The following PPARG variants were observed in gnomAD, a reference collection of about 807,000 sequenced individuals.
PPARG encodes the protein peroxisome proliferator-activated receptor gamma.
In PPARG, 17 loss-of-function variants were observed where a neutral mutation model predicts 39.2. The observed-to-expected ratio is 0.43, with a 90% confidence interval of 0.30 to 0.65. The LOEUF (loss-of-function observed/expected upper bound fraction) is 0.65. Among genes scored for constraint, PPARG ranks in the 30% least tolerant of loss-of-function variants. The pLI is 0.13. For synonymous variants in PPARG, 223 were observed against 215.7 expected (o/e 1.03, Z -0.30); for missense variants, 406 against 585.9 (o/e 0.69, Z 3.17).
chr3:12,292,177 T>C (rs1406954532), intron 1 of PPARG, among the ~76,000 whole-genome samples: 1 of 152,230 alleles, frequency 6.6e-6, no homozygotes, highest in Non-Finnish European at 1.5e-5. Flanking sequence ...TTTAAAATTG[T>C]ATTTTCCATT....
At chr3:12,344,991 A>G (rs978772194) in intron 2 of PPARG, 4 of 152,194 alleles carry the variant, frequency 2.6e-5, no homozygotes, top group Non-Finnish European at 4.4e-5. Context: ...ACCCTATTCA[A>G]TAGTTGTTAT....
intron 2 of PPARG, among the ~76,000 whole-genome samples, chr3:12,338,405 T>C (rs1334695794): frequency 2.0e-5 from 3 of 152,216 alleles, no homozygotes; most frequent in African/African-American, 7.2e-5. Context: ...TTTATTACTA[T>C]ATAGATATCT....
intron 1 of PPARG, among the ~76,000 whole-genome samples, chr3:12,294,148 A>T (rs6809631): frequency 0.28 from 43,305 of 152,030 alleles, 6,358 homozygotes; most frequent in East Asian, 0.49. Context: ...AATAAAGTTA[A>T]TGCATGTCCC....
At chr3:12,363,434 A>T (rs2048917368) in intron 2 of PPARG, among the ~76,000 whole-genome samples, 1 of 152,172 alleles carries the variant, frequency 6.6e-6, no homozygotes, top group Non-Finnish European at 1.5e-5. Context: ...TTGTCTTCTC[A>T]TTAAGAGTGC....
chr3:12,311,503 C>T (rs978290585), intron 1 of PPARG, among the ~76,000 whole-genome samples: 1 of 152,176 alleles, frequency 6.6e-6, no homozygotes, highest in African/African-American at 2.4e-5. Context: ...ATTTTATCTT[C>T]ATGGTCTACT....
At chr3:12,362,993 C>A (rs1211345303) in intron 2 of PPARG, among the ~76,000 whole-genome samples, 1 of 151,988 alleles carries the variant, frequency 6.6e-6, no homozygotes, top group Non-Finnish European at 1.5e-5. Flanking sequence ...GATCATGGTG[C>A]ATTGCAGCCT....
At chr3:12,330,480 G>A (rs1203043587) in intron 2 of PPARG, among the ~76,000 whole-genome samples, 2 of 151,948 alleles carry the variant, frequency 1.3e-5, no homozygotes, top group African/African-American at 4.8e-5. Flanking sequence ...TTTTTAAATT[G>A]GGTTGTTTGC....
chr3:12,323,767 A>G (rs940568089), intron 2 of PPARG, among the ~76,000 whole-genome samples: 12 of 152,180 alleles, frequency 7.9e-5, no homozygotes, highest in African/African-American at 1.4e-4. Context: ...GAATAAAAAA[A>G]AAAAGAGTAA....
At chr3:12,385,103 C>A (rs765322103) in intron 4 of PPARG, among the ~76,000 whole-genome samples, 1 of 152,090 alleles carries the variant, frequency 6.6e-6, no homozygotes, top group South Asian at 2.1e-4. Flanking sequence ...ATAACCAATA[C>A]GCAATAAAAA....
intron 2 of PPARG, among the ~76,000 whole-genome samples, chr3:12,320,966 A>G (rs984946237): frequency 5.3e-5 from 8 of 152,240 alleles, no homozygotes; most frequent in African/African-American, 1.7e-4. Context: ...CAATGATTCA[A>G]TATCTTTTTA....
chr3:12,290,535 T>C (rs1167656655), intron 1 of PPARG, among the ~76,000 whole-genome samples: 2 of 152,262 alleles, frequency 1.3e-5, no homozygotes, highest in South Asian at 4.1e-4. Flanking sequence ...AAAAAAATTC[T>C]AGATTATGCT....
intron 6 of PPARG, among the ~76,000 whole-genome samples, chr3:12,416,010 G>T (rs993883401): frequency 6.6e-6 from 1 of 152,162 alleles, no homozygotes; most frequent in African/African-American, 2.4e-5. Flanking sequence ...TGCTGAAATG[G>T]TTTTTTATTG....
chr3:12,369,039 A>G (rs2049118218), intron 2 of PPARG, among the ~76,000 whole-genome samples: 1 of 152,168 alleles, frequency 6.6e-6, no homozygotes, highest in Non-Finnish European at 1.5e-5. Context: ...ATTTTAGCTT[A>G]ATTTTTACCT....
chr3:12,303,542 T>C (rs1354514449), intron 1 of PPARG, among the ~76,000 whole-genome samples: 1 of 152,146 alleles, frequency 6.6e-6, no homozygotes. Context: ...GTTCCACCCC[T>C]TGTGCTAGAC....
chr3:12,318,062 T>A (rs1016161577), intron 2 of PPARG, among the ~76,000 whole-genome samples: 2 of 151,948 alleles, frequency 1.3e-5, no homozygotes, highest in Admixed American at 6.6e-5. Flanking sequence ...CAACTTCAAA[T>A]TCCTGGACTC....
chr3:12,352,849 T>C (rs1023718364), intron 2 of PPARG, among the ~76,000 whole-genome samples: 2 of 152,246 alleles, frequency 1.3e-5, no homozygotes, highest in Admixed American at 6.5e-5. Context: ...TTTTGTTTTA[T>C]TCCATAAATT....
intron 2 of PPARG, among the ~76,000 whole-genome samples, chr3:12,367,514 C>G (rs938232330): frequency 6.6e-6 from 1 of 151,916 alleles, no homozygotes; most frequent in African/African-American, 2.4e-5. Flanking sequence ...AGCAAACTCC[C>G]TAGACAAGAT....
intron 7 of PPARG, among the ~76,000 whole-genome samples, chr3:12,433,472 A>T (rs2051733393): frequency 6.7e-6 from 1 of 150,276 alleles, no homozygotes. Context: ...CGGGAGGCAT[A>T]GGTTGTAGTG....
At chr3:12,377,892 TC>T (rs1382741582) in intron 2 of PPARG, among the ~76,000 whole-genome samples, 1 of 152,130 alleles carries the variant, frequency 6.6e-6, no homozygotes, top group Non-Finnish European at 1.5e-5. Flanking sequence ...GAATTAATAT[TC>T]CAAAATATGT....
Sources: allele counts gnomAD v4.1 joint callset (sites outside exome capture counted in the v4.1 genomes callset), GRCh38; gene constraint gnomAD v4.1.1; transcripts MANE v1.5; gene names NCBI Gene and HGNC (gene_info 2026-07-23, HGNC 2026-07-21).